Variants in ERBB4 observed in about 807,000 individuals in gnomAD.
ERBB4 encodes receptor tyrosine-protein kinase erbB-4.
A neutral mutation model predicts 158.0 loss-of-function variants in ERBB4; 42 were observed. The ratio of observed to expected loss-of-function variants is 0.27; its 90% CI spans 0.21 to 0.34. The LOEUF (loss-of-function observed/expected upper bound fraction) is 0.34. Ranked by LOEUF, ERBB4 falls within the 10% of genes least tolerant of loss-of-function variation. The pLI is 1.00. For missense variants in ERBB4, 1,333 were observed against 1,624.1 expected (o/e 0.82, Z 3.08); for synonymous variants, 583 against 558.7 (o/e 1.04, Z -0.61).
At chr2:211,979,112 C>T (rs985588965) in intron 2 of ERBB4, among the ~76,000 whole-genome samples, 6 of 152,066 alleles carry the variant, frequency 3.9e-5, no homozygotes, top group Non-Finnish European at 5.9e-5. Flanking sequence ...AACACTACCA[C>T]GGAAACACAA....
At chr2:212,168,798 G>A (rs1166205068) in intron 1 of ERBB4, among the ~76,000 whole-genome samples, 1 of 152,122 alleles carries the variant, frequency 6.6e-6, no homozygotes, top group Non-Finnish European at 1.5e-5. Flanking sequence ...GACTTGTGCT[G>A]CTAATGAGGC....
intron 2 of ERBB4, among the ~76,000 whole-genome samples, chr2:212,105,421 C>T (rs945519844): frequency 2.6e-5 from 4 of 152,124 alleles, no homozygotes; most frequent in Admixed American, 2.0e-4. Flanking sequence ...ATATCTTAAA[C>T]TACTCTCTAA....
chr2:211,649,935 G>A (rs558402021), intron 16 of ERBB4, among the ~76,000 whole-genome samples: 2 of 152,032 alleles, frequency 1.3e-5, no homozygotes, highest in Admixed American at 1.3e-4. Flanking sequence ...CTGCTAATTA[G>A]CTCCTGCCTA....
At chr2:212,184,610 T>G (rs1559681582) in intron 1 of ERBB4, among the ~76,000 whole-genome samples, 2 of 151,882 alleles carry the variant, frequency 1.3e-5, no homozygotes, top group Admixed American at 1.3e-4. Flanking sequence ...CTCAATAGAT[T>G]GAATAAAAGT....
chr2:212,101,556 A>G (rs2125518057), intron 2 of ERBB4, among the ~76,000 whole-genome samples: 2 of 151,980 alleles, frequency 1.3e-5, no homozygotes, highest in South Asian at 4.2e-4. Context: ...CTAGATAAAT[A>G]ATATTCTAAA....
intron 1 of ERBB4, among the ~76,000 whole-genome samples, chr2:212,469,234 T>A (rs1688995710): frequency 6.6e-6 from 1 of 152,204 alleles, no homozygotes; most frequent in South Asian, 2.1e-4. Context: ...TTTATAGACA[T>A]AACATAAAAT....
intron 1 of ERBB4, among the ~76,000 whole-genome samples, chr2:212,358,385 T>C (rs1226500604): frequency 6.6e-6 from 1 of 151,694 alleles, no homozygotes; most frequent in Non-Finnish European, 1.5e-5. Flanking sequence ...AACAGTATTA[T>C]GTTTACCTAA....
At chr2:211,521,728 C>A (rs1317121138) in intron 20 of ERBB4, among the ~76,000 whole-genome samples, 1 of 152,138 alleles carries the variant, frequency 6.6e-6, no homozygotes, top group African/African-American at 2.4e-5. Context: ...GTTAATGCAT[C>A]TGGTGACCGG....
chr2:211,571,345 A>G (rs962924392), intron 19 of ERBB4, among the ~76,000 whole-genome samples: 4 of 152,166 alleles, frequency 2.6e-5, no homozygotes, highest in Non-Finnish European at 5.9e-5. Context: ...TCAAAAACAT[A>G]TGGAATTGAT....
intron 1 of ERBB4, among the ~76,000 whole-genome samples, chr2:212,385,824 T>C (rs1426657964): frequency 6.6e-6 from 1 of 151,920 alleles, no homozygotes; most frequent in Non-Finnish European, 1.5e-5. Flanking sequence ...CCAAACAGAA[T>C]TTATATATTG....
chr2:212,531,618 T>A (rs1692762088), intron 1 of ERBB4, among the ~76,000 whole-genome samples: 1 of 152,192 alleles, frequency 6.6e-6, no homozygotes, highest in African/African-American at 2.4e-5. Flanking sequence ...AGGAACCCAC[T>A]GTTTATCCTT....
chr2:212,124,306 C>T (rs1458513470), intron 2 of ERBB4, among the ~76,000 whole-genome samples: 4 of 151,818 alleles, frequency 2.6e-5, no homozygotes, highest in Admixed American at 2.0e-4. Context: ...GCTTTTCTTT[C>T]CTTTTCTTTT....
At chr2:212,021,185 CGAT>C (rs1436483496) in intron 2 of ERBB4, among the ~76,000 whole-genome samples, 1 of 151,898 alleles carries the variant, frequency 6.6e-6, no homozygotes, top group African/African-American at 2.4e-5. Context: ...TCTAGAAATA[CGAT>C]GATAAAAATA....
At chr2:211,726,024 G>C (rs1385144545) in intron 5 of ERBB4, among the ~76,000 whole-genome samples, 1 of 152,174 alleles carries the variant, frequency 6.6e-6, no homozygotes, top group East Asian at 1.9e-4. Context: ...ATAGCAATAA[G>C]AGACACAATT....
intron 3 of ERBB4, among the ~76,000 whole-genome samples, chr2:211,849,648 A>G (rs2077670368): frequency 6.6e-6 from 1 of 151,824 alleles, no homozygotes; most frequent in Non-Finnish European, 1.5e-5. Context: ...CCTACTCATT[A>G]TTTTTCTTTC....
At chr2:212,401,377 T>C (rs914267577) in intron 1 of ERBB4, among the ~76,000 whole-genome samples, 2 of 152,178 alleles carry the variant, frequency 1.3e-5, no homozygotes, top group African/African-American at 4.8e-5. Context: ...GCTTACTTCA[T>C]GACTGGCCTC....
chr2:212,470,702 C>T (rs904637039), intron 1 of ERBB4, among the ~76,000 whole-genome samples: 7 of 151,956 alleles, frequency 4.6e-5, no homozygotes, highest in African/African-American at 7.2e-5. Context: ...TCTGAGGTCC[C>T]GAAATGTCTT....
chr2:211,553,010 C>A (rs1362958905), intron 20 of ERBB4, among the ~76,000 whole-genome samples: 2 of 151,578 alleles, frequency 1.3e-5, no homozygotes, highest in Non-Finnish European at 2.9e-5. Flanking sequence ...ACTCTGTCAC[C>A]CAGACTGGAG....
At chr2:212,270,323 T>C (rs35180566) in intron 1 of ERBB4, among the ~76,000 whole-genome samples, 11,550 of 151,816 alleles carry the variant, frequency 0.076, 515 homozygotes, top group South Asian at 0.17. Context: ...TGTACTGAAA[T>C]TGTCACTTAG....
Sources: allele counts gnomAD v4.1 joint callset (sites outside exome capture counted in the v4.1 genomes callset), GRCh38; gene constraint gnomAD v4.1.1; transcripts MANE v1.5; gene names NCBI Gene and HGNC (gene_info 2026-07-23, HGNC 2026-07-21).